The following CDIN1 variants were observed in gnomAD, a reference collection of about 807,000 sequenced individuals.
CDIN1 encodes CDAN1-interacting nuclease 1.
Under a neutral mutation model 45.3 loss-of-function variants are expected in CDIN1, and 33 were observed. The observed-to-expected ratio is 0.73, with a 90% CI of 0.55 to 0.97. The LOEUF is 0.97. Ranked by LOEUF, CDIN1 falls within the 50% of genes least tolerant of loss-of-function variation. The pLI is 0.00. For synonymous variants in CDIN1, 118 were observed against 124.4 expected, an observed-to-expected ratio of 0.95 and a Z score of 0.34; for missense variants, 303 against 339.4, an observed-to-expected ratio of 0.89 and a Z score of 0.84.
At chr15:36,662,969 G>A (rs751819723) in intron 5 of CDIN1, among the ~76,000 whole-genome samples, 3 of 148,178 alleles carry the variant, frequency 2.0e-5, no homozygotes, top group Non-Finnish European at 4.4e-5. Flanking sequence ...TGCTCAAAAC[G>A]TTTATGGAGC....
Position 36,808,927 on chromosome 15 carries a change from G to A in CDIN1, c.*474G>A, listed in dbSNP as rs777726070. ...AGAGACCCAGCATTGCATTACCATC[G>A]TGGAATAATCTAGCGCAAACCTAGG... On this transcript the variant is annotated 3_prime_UTR_variant, in exon 11 of 11. Coordinates refer to ENST00000566621, the MANE Select transcript of CDIN1 (RefSeq NM_001321759.2). The A allele has an allele frequency of 7.2e-5, 33 of 455,348 alleles. No individual in the cohort carries two copies. The highest frequency in any genetic ancestry group is 6.5e-4 in the Middle Eastern group (2 of 3,092). 28.2% of individuals were successfully genotyped at this position (455,348 alleles called of 1,614,324 possible). A position where few individuals can be genotyped will look rare whatever the true frequency, so the allele number is the denominator to read the frequency against.
At chr15:36,587,246 A>C (rs940733688) in intron 1 of CDIN1, among the ~76,000 whole-genome samples, 1 of 151,398 alleles carries the variant, frequency 6.6e-6, no homozygotes, top group African/African-American at 2.4e-5. Flanking sequence ...CTGTCTTCCT[A>C]CTCTTGGATT....
intron 5 of CDIN1, among the ~76,000 whole-genome samples, chr15:36,670,863 G>A (rs75207294): frequency 6.6e-6 from 1 of 151,854 alleles, no homozygotes; most frequent in Non-Finnish European, 1.5e-5. Flanking sequence ...TGTATATTTA[G>A]TTGCTTCAGT....
chr15:36,802,082 C>T (rs2055068586), intron 10 of CDIN1, among the ~76,000 whole-genome samples: 3 of 152,100 alleles, frequency 2.0e-5, no homozygotes, highest in Non-Finnish European at 4.4e-5. Context: ...TATATAAACA[C>T]AAGGTATAAT....
chr15:36,696,992 G>T (rs1438202285), intron 7 of CDIN1, among the ~76,000 whole-genome samples: 2 of 150,824 alleles, frequency 1.3e-5, no homozygotes, highest in Non-Finnish European at 3.0e-5. Flanking sequence ...GTGGTGGGTG[G>T]TACACCCCTG....
chr15:36,770,777 G>A (rs972337361), intron 10 of CDIN1, among the ~76,000 whole-genome samples: 4 of 152,190 alleles, frequency 2.6e-5, no homozygotes, highest in Non-Finnish European at 4.4e-5. Context: ...ATGATTTTAT[G>A]TGTTTGGCCT....
chr15:36,771,821 A>G lies in CDIN1; in HGVS notation c.717-36503A>G, dbSNP rs192242408. On this transcript the variant is annotated intron_variant, in intron 10 of 10. Transcript: ENST00000566621. ...GTGGGTGCCTGTGATCCAGCTACTC[A>G]GGAGGCTGAGGCAGGAGAATTGCTT... 3.8e-3 allele frequency among the ~76,000 whole-genome samples: 573 copies of G among 151,750 alleles called. 3 individuals are homozygous for G. The highest frequency in any genetic ancestry group is 0.013 in the African/African-American group (542 of 41,412).
intron 1 of CDIN1, among the ~76,000 whole-genome samples, chr15:36,627,978 G>T (rs2039518024): frequency 6.6e-6 from 1 of 151,496 alleles, no homozygotes; most frequent in Non-Finnish European, 1.5e-5. Flanking sequence ...GGTCAGCATG[G>T]GTTTATGGAA....
At chr15:36,775,514 T>C (rs1443801491) in intron 10 of CDIN1, among the ~76,000 whole-genome samples, 1 of 152,210 alleles carries the variant, frequency 6.6e-6, no homozygotes, top group Non-Finnish European at 1.5e-5. Flanking sequence ...CAGCAGTGCC[T>C]ATGACAGGCC....
At chr15:36,664,774 C>T (rs2041181524) in intron 5 of CDIN1, among the ~76,000 whole-genome samples, 3 of 152,208 alleles carry the variant, frequency 2.0e-5, no homozygotes, top group South Asian at 4.1e-4. Context: ...TCTCGATCTC[C>T]TGACCTCGTG....
At chr15:36,742,052 G>A (rs1417252882) in intron 10 of CDIN1, among the ~76,000 whole-genome samples, 1 of 152,096 alleles carries the variant, frequency 6.6e-6, no homozygotes, top group African/African-American at 2.4e-5. Flanking sequence ...AAGTTCCTTT[G>A]TGAACTGAAA....
chr15:36,743,804 G>A (rs994188281), intron 10 of CDIN1, among the ~76,000 whole-genome samples: 2 of 151,760 alleles, frequency 1.3e-5, no homozygotes, highest in East Asian at 1.9e-4. Context: ...TGGGAGGATC[G>A]CATGAGCCCT....
chr15:36,648,517 C>T (rs1000172338), intron 3 of CDIN1: 5 of 146,166 alleles, frequency 3.4e-5, no homozygotes, highest in East Asian at 4.1e-4. Context: ...CTGCAAGCTC[C>T]GCCTCCTGGG....
chr15:36,586,394 C>T (rs1473705641), intron 1 of CDIN1, among the ~76,000 whole-genome samples: 2 of 152,128 alleles, frequency 1.3e-5, no homozygotes, highest in South Asian at 2.1e-4. Flanking sequence ...CTCTATTTCT[C>T]TCACCAGAAT....
intron 10 of CDIN1, among the ~76,000 whole-genome samples, chr15:36,751,226 A>T (rs1178658012): frequency 2.8e-5 from 1 of 36,032 alleles, no homozygotes; most frequent in Non-Finnish European, 4.6e-5. Context: ...ATATATGCTT[A>T]TTTTATATAT....
chr15:36,767,701 A>C (rs2141015636), intron 10 of CDIN1, among the ~76,000 whole-genome samples: 1 of 152,324 alleles, frequency 6.6e-6, no homozygotes, highest in Non-Finnish European at 1.5e-5. Context: ...ACATCTCCTG[A>C]AATACCTTCT....
At chr15:36,644,962 A>T (rs1052590432) in intron 2 of CDIN1, among the ~76,000 whole-genome samples, 2 of 152,210 alleles carry the variant, frequency 1.3e-5, no homozygotes, top group Non-Finnish European at 2.9e-5. Context: ...AGATTCAATT[A>T]CTATGACCCT....
At chr15:36,616,598 G>A (rs1023169006) in intron 1 of CDIN1, among the ~76,000 whole-genome samples, 1 of 152,052 alleles carries the variant, frequency 6.6e-6, no homozygotes, top group Non-Finnish European at 1.5e-5. Flanking sequence ...TCAGCCTTGT[G>A]CAAATTCCAG....
chr15:36,583,813 G>A (rs1028786327), intron 1 of CDIN1, among the ~76,000 whole-genome samples: 6 of 152,112 alleles, frequency 3.9e-5, no homozygotes, highest in African/African-American at 1.4e-4. Context: ...TCAGGAGATC[G>A]AGACCATCCT....
Sources: allele counts gnomAD v4.1 joint callset (sites outside exome capture counted in the v4.1 genomes callset), GRCh38; gene constraint gnomAD v4.1.1; transcripts MANE v1.5; gene names NCBI Gene and HGNC (gene_info 2026-07-23, HGNC 2026-07-21).